Variants in CDC73 observed in about 807,000 individuals in gnomAD.
The protein encoded by CDC73 is cell division cycle 73, also known as parafibromin.
Under a neutral mutation model 83.7 loss-of-function variants are expected in CDC73, and 21 were observed. That is an observed-to-expected ratio of 0.25 (90% confidence interval 0.18 to 0.36). The LOEUF (loss-of-function observed/expected upper bound fraction) is 0.36, where lower values mean the gene tolerates loss of function less well. Among genes scored for constraint, CDC73 ranks in the 10% least tolerant of loss-of-function variants. The pLI is 1.00. For synonymous variants in CDC73, 224 were observed against 212.9 expected, an observed-to-expected ratio of 1.05 and a Z score of -0.45; for missense variants, 342 against 653.3, an observed-to-expected ratio of 0.52 and a Z score of 5.19.
chr1:193,180,174 C>A, intron 10 of CDC73: 1 of 839,308 alleles, frequency 1.2e-6, no homozygotes, highest in Non-Finnish European at 1.7e-6. Context: ...AAAAATACTT[C>A]TTGAATTTCT....
intron 10 of CDC73, among the ~76,000 whole-genome samples, chr1:193,198,055 A>T (rs1210246113): frequency 6.6e-6 from 1 of 152,082 alleles, no homozygotes. Context: ...TCAATGTAAT[A>T]CTCATGAATC....
rs957564068 is a variant in CDC73, at chr1:193,251,846, T to TA, written c.*1134_*1135insA. The TA allele has an allele frequency of 4.5e-6, 1 of 223,904 alleles. No individual in the cohort carries two copies. The allele number at this position is 223,904 out of a possible 1,614,324, so 13.9% of individuals were successfully genotyped here. ...GCCTTGAACCTTGATTTCACTTTGT[T>TA]TTTTTTTTTTCCTTAAAGGCAACTA... On this transcript the variant is annotated 3_prime_UTR_variant, in exon 17 of 17. Coordinates refer to ENST00000367435, the MANE Select transcript of CDC73 (RefSeq NM_024529.5).
At chr1:193,207,168 A>C (rs188628147) in intron 11 of CDC73, among the ~76,000 whole-genome samples, 1 of 152,202 alleles carries the variant, frequency 6.6e-6, no homozygotes, top group Non-Finnish European at 1.5e-5. Flanking sequence ...AAAGCCAGCA[A>C]GTTTTTATTA....
At chr1:193,199,109 C>T (rs538457726) in intron 10 of CDC73, among the ~76,000 whole-genome samples, 51 of 152,160 alleles carry the variant, frequency 3.4e-4, no homozygotes, top group African/African-American at 1.1e-3. Context: ...AGCAACATAT[C>T]GTATACATAT....
intron 10 of CDC73, among the ~76,000 whole-genome samples, chr1:193,192,195 C>G (rs1364549553): frequency 2.0e-5 from 3 of 152,052 alleles, no homozygotes; most frequent in Non-Finnish European, 4.4e-5. Flanking sequence ...GTAATTCCAG[C>G]ACTTTGGGAG....
Position 193,135,859 on chromosome 1 carries a change from C to T in CDC73, c.423+270C>T, listed in dbSNP as rs72731066. On this transcript the variant is annotated intron_variant, in intron 5 of 16. Coordinates refer to ENST00000367435, the MANE Select transcript of CDC73 (RefSeq NM_024529.5). ...GGCTCAAGGGTCAGAATTCTTTTTC[C>T]TTTCTGTTCTTTTTTTTTTTTTTTT... Among the ~76,000 whole-genome samples, 5,833 of 148,218 alleles carry T rather than the reference C, an allele frequency of 0.039. 115 individuals carry two copies. The highest frequency in any genetic ancestry group is 0.048 in the Middle Eastern group (14 of 290).
intron 10 of CDC73, 80 bp from the exon 11 acceptor site, chr1:193,203,715 T>C (rs925556288): frequency 4.9e-5 from 54 of 1,112,034 alleles, no homozygotes; most frequent in South Asian, 4.6e-4. Flanking sequence ...CAGAGAGATA[T>C]GAGATTTCTT....
chr1:193,139,624 G>C (rs1337358334), intron 6 of CDC73, among the ~76,000 whole-genome samples: 1 of 151,902 alleles, frequency 6.6e-6, no homozygotes, highest in African/African-American at 2.4e-5. Context: ...TGTGATCTTT[G>C]CACACCAAAC....
chr1:193,160,203 G>A (rs1055057750), intron 10 of CDC73, among the ~76,000 whole-genome samples: 1 of 151,974 alleles, frequency 6.6e-6, no homozygotes. Flanking sequence ...TTATTCTGCC[G>A]ATGACTATGG....
At chr1:193,214,726 A>G (rs1031173392) in intron 13 of CDC73, among the ~76,000 whole-genome samples, 1 of 152,202 alleles carries the variant, frequency 6.6e-6, no homozygotes, top group Non-Finnish European at 1.5e-5. Flanking sequence ...AGAAAATAAG[A>G]AAAAAATAGA....
At chr1:193,178,708 G>C (rs1194358071) in intron 10 of CDC73, among the ~76,000 whole-genome samples, 2 of 152,062 alleles carry the variant, frequency 1.3e-5, no homozygotes, top group African/African-American at 4.8e-5. Flanking sequence ...CAAGAGCTGG[G>C]GTGTGTTACA....
chr1:193,227,777 A>G (rs987054859), intron 13 of CDC73, among the ~76,000 whole-genome samples: 5 of 152,202 alleles, frequency 3.3e-5, no homozygotes, highest in African/African-American at 1.2e-4. Flanking sequence ...ATGCTACCTT[A>G]TGGACAACTG....
chr1:193,174,896 TAAATG>T (rs1676576161), intron 10 of CDC73, among the ~76,000 whole-genome samples: 1 of 152,242 alleles, frequency 6.6e-6, no homozygotes, highest in Non-Finnish European at 1.5e-5. Context: ...CATTTTCCTT[TAAATG>T]AAATGAAAAT....
chr1:193,127,508 A>G (rs1675600413), intron 2 of CDC73, among the ~76,000 whole-genome samples: 1 of 152,162 alleles, frequency 6.6e-6, no homozygotes, highest in Admixed American at 6.5e-5. Flanking sequence ...TTTAACTCAG[A>G]TCTTTAAAAA....
Position 193,142,041 on chromosome 1 carries a change from C to G in CDC73, c.704C>G (p.Thr235Arg), listed in dbSNP as rs1675915409. The change falls in exon 7 of 17, where the codon ACA becomes AGA. Residue 235 changes from threonine to arginine, a missense_variant. Thr to Arg is a moderately conservative substitution (Grantham distance 71). This residue lies in a region of CDC73 where 239 missense variants were observed against 420.6 expected (regional missense o/e 0.57). Transcript: ENST00000367435. ...AGAGAGAGAGTATGGAGGACACGAACAACTATCTTACAAAGCACAGGAAAG... is the reference window on the plus strand; with the variant it reads ...AGAGAGAGAGTATGGAGGACACGAAGAACTATCTTACAAAGCACAGGAAAG... ...VSRERVWRTR[T>R]TILQSTGKNF... 6.2e-7 allele frequency: 1 copy of G among 1,613,152 alleles called. No individual in the cohort carries two copies.
chr1:193,247,242 C>T (rs1438249215), intron 15 of CDC73, among the ~76,000 whole-genome samples: 3 of 151,950 alleles, frequency 2.0e-5, no homozygotes, highest in Non-Finnish European at 4.4e-5. Flanking sequence ...ATTTTTGTAT[C>T]TGTTATGGTG....
At position 193,236,540 on chromosome 1, in the gene CDC73, T is replaced by TA. The variant is rs906519186; in HGVS notation, c.1417+185dup. ...GCTTTGTATATTAATACTTTCTGTG[T>TA]AGGTATATCTGAAAGTGAATATTGC... is the stretch of plus-strand genomic sequence containing the variant. On this transcript the variant is annotated intron_variant, in intron 15 of 16. Transcript: ENST00000367435. Among the ~76,000 whole-genome samples the TA allele has an allele frequency of 2.6e-5, 4 of 152,228 alleles. 1 individual carries two copies. The highest frequency in any genetic ancestry group is 2.6e-4 in the Admixed American group (4 of 15,278).
chr1:193,194,736 G>A (rs1340805605), intron 10 of CDC73, among the ~76,000 whole-genome samples: 2 of 152,056 alleles, frequency 1.3e-5, no homozygotes, highest in Non-Finnish European at 2.9e-5. Context: ...TTTTTAATCA[G>A]TAGGTACGTA....
chr1:193,148,639 A>ATTTTTTTTTT (rs894987430), intron 8 of CDC73, among the ~76,000 whole-genome samples: 2 of 113,662 alleles, frequency 1.8e-5, no homozygotes, highest in African/African-American at 3.5e-5. Context: ...AAAATTTATA[A>ATTTTTTTTTT]TTTTTTTTTT....
Sources: allele counts gnomAD v4.1 joint callset (sites outside exome capture counted in the v4.1 genomes callset), GRCh38; gene constraint gnomAD v4.1.1; regional missense constraint gnomAD v4.1.1; transcripts MANE v1.5; gene names NCBI Gene and HGNC (gene_info 2026-07-23, HGNC 2026-07-21).